The following PSD2 variants were observed in gnomAD, a reference collection of about 807,000 sequenced individuals.
PSD2 encodes the protein pleckstrin and Sec7 domain containing 2.
Under a neutral mutation model 69.8 loss-of-function variants are expected in PSD2, and 38 were observed. That is an observed-to-expected ratio of 0.54 (90% CI 0.42 to 0.71). The LOEUF (loss-of-function observed/expected upper bound fraction) is 0.71. Ranked by LOEUF, PSD2 falls within the 30% of genes least tolerant of loss-of-function variation. The probability of loss-of-function intolerance (pLI) is 0.00; values close to 1 mark genes in which losing one functional copy is unlikely to be tolerated. For synonymous variants in PSD2, 412 were observed against 423.0 expected (o/e 0.97, Z 0.32); for missense variants, 943 against 1,014.5 (o/e 0.93, Z 0.96).
chr5:139,756,903 A>T, the PSD2 span, among the ~76,000 whole-genome samples: 2 of 152,320 alleles, frequency 1.3e-5, no homozygotes, highest in East Asian at 3.9e-4. Flanking sequence ...ACCCAAAACA[A>T]GCACAACTCA....
the PSD2 span, among the ~76,000 whole-genome samples, chr5:139,749,635 G>C: frequency 2.0e-5 from 3 of 152,166 alleles, no homozygotes; most frequent in African/African-American, 7.2e-5. Context: ...TATCCTTTCT[G>C]CAGTTGTCCC....
intron 2 of PSD2, among the ~76,000 whole-genome samples, chr5:139,810,433 G>A (rs1323681312): frequency 6.6e-6 from 1 of 152,218 alleles, no homozygotes; most frequent in Non-Finnish European, 1.5e-5. Flanking sequence ...AGAAAAGAAA[G>A]CATTTAGAAG....
At chr5:139,830,409 GGT>G (rs1760544625) in intron 7 of PSD2, among the ~76,000 whole-genome samples, 1 of 144,574 alleles carries the variant, frequency 6.9e-6, no homozygotes, top group Non-Finnish European at 1.5e-5. Context: ...GGAGTGTAGT[GGT>G]GTGATCCTGG....
At chr5:139,794,376 G>A (rs1300865653), upstream of PSD2, among the ~76,000 whole-genome samples, 1 of 152,166 alleles carries the variant, frequency 6.6e-6, no homozygotes, top group African/African-American at 2.4e-5. Context: ...GGTTGATGAA[G>A]TCCCAGCTCC....
At chr5:139,794,170 G>C (rs1209079396), upstream of PSD2, among the ~76,000 whole-genome samples, 1 of 152,224 alleles carries the variant, frequency 6.6e-6, no homozygotes, top group Non-Finnish European at 1.5e-5. Context: ...GGGCAGTGAA[G>C]GATGTGGTCT....
At chr5:139,818,851 A>T (rs1243568920) in intron 5 of PSD2, among the ~76,000 whole-genome samples, 1 of 152,196 alleles carries the variant, frequency 6.6e-6, no homozygotes, top group African/African-American at 2.4e-5. Context: ...AATTTATGTT[A>T]TATTTTCCAT....
In PSD2 at chr5:139,814,296, G is replaced by T; in HGVS notation, c.948G>T (p.Arg316=). The change falls in exon 4 of 15, where the codon CGG becomes CGT. Residue 316 remains arginine, a synonymous_variant. Coordinates refer to ENST00000274710, the MANE Select transcript of PSD2 (RefSeq NM_032289.4). This position sits in a 1 kb window ranked among gnomAD's most constrained non-coding sequence, Gnocchi z 4.4. The part of the protein sequence containing the change: ...GCQGVSEAAH[R]LARRLYHLEG... ...AGGGGGTCAGTGAAGCTGCTCATCG[G>T]CTGGCACGCCGTCTCTACCACCTCG... 1 of 1,613,538 alleles carries T rather than the reference G, an allele frequency of 6.2e-7. No individual in the cohort carries two copies. Among genetic ancestry groups the T allele is most frequent in the Non-Finnish European group, 8.5e-7 (1 of 1,179,754 alleles).
chr5:139,788,472 G>C, the PSD2 span, among the ~76,000 whole-genome samples: 21 of 152,362 alleles, frequency 1.4e-4, no homozygotes, highest in Admixed American at 6.5e-5. Flanking sequence ...TCTAGCAGCT[G>C]CGAATTCCTG....
chr5:139,788,085 G>A, the PSD2 span, among the ~76,000 whole-genome samples: 4 of 152,202 alleles, frequency 2.6e-5, no homozygotes, highest in Non-Finnish European at 5.9e-5. Flanking sequence ...GCGCTTCGCG[G>A]AAGACTCCGC....
In PSD2 at chr5:139,813,799, G is replaced by A. The variant is rs766191297; in HGVS notation, c.821+41G>A. On this transcript the variant is annotated intron_variant, in intron 3 of 14. Coordinates refer to ENST00000274710, the MANE Select transcript of PSD2 (RefSeq NM_032289.4). Reference sequence around the variant, plus strand: ...GGCTGGGAGAACCACCGAGCAGATGGGGAAACTGAGACCCAGAGGGGGCAA... The same window carrying A: ...GGCTGGGAGAACCACCGAGCAGATGAGGAAACTGAGACCCAGAGGGGGCAA... The A allele has an allele frequency of 4.6e-6, 7 of 1,526,482 alleles. No individual in the cohort carries two copies. In the Admixed American group the frequency reaches 5.9e-5, roughly 13 times the overall value. The allele number at this position is 1,526,482 out of a possible 1,614,324, so 94.6% of individuals were successfully genotyped here.
the PSD2 span, among the ~76,000 whole-genome samples, chr5:139,778,945 C>CAAAAAAA: frequency 7.0e-5 from 7 of 99,870 alleles, no homozygotes; most frequent in African/African-American, 1.5e-4. Flanking sequence ...AGAAAAAAAA[C>CAAAAAAA]AAAAAAAAAA....
the PSD2 span, among the ~76,000 whole-genome samples, chr5:139,789,988 CG>C: frequency 2.7e-3 from 406 of 151,620 alleles, 1 homozygote; most frequent in African/African-American, 8.2e-3. Context: ...GAGAGCAGCA[CG>C]GGGCCGGGCG....
chr5:139,792,915 TTTC>T (rs1759444771), upstream of PSD2, among the ~76,000 whole-genome samples: 4 of 122,262 alleles, frequency 3.3e-5, no homozygotes, highest in Admixed American at 3.3e-4. Flanking sequence ...TCCTTCTTTC[TTTC>T]TTTTTTCTTT....
rs778176956 is a variant in PSD2 at position 139,813,396 on chromosome 5, C to T, written c.459C>T (p.Thr153=). 4 of 1,612,502 alleles carry T rather than the reference C, an allele frequency of 2.5e-6. No individual in the cohort carries two copies. Among genetic ancestry groups the T allele is most frequent in the Non-Finnish European group, 3.4e-6 (4 of 1,178,724 alleles). The part of the protein sequence containing the change: ...KILESELLRG[T]QYSSLDSLDG... ...TGGAGTCAGAGCTGCTGCGGGGCACCCAGTACAGCAGCCTCGACTCCCTAG... is the reference window on the plus strand; with the variant it reads ...TGGAGTCAGAGCTGCTGCGGGGCACTCAGTACAGCAGCCTCGACTCCCTAG... The change falls in exon 3 of 15, where the codon ACC becomes ACT. Residue 153 remains threonine, a synonymous_variant. Transcript: ENST00000274710.
chr5:139,813,812 C>G, intron 3 of PSD2, 54 bp downstream of exon 3: 1 of 1,467,726 alleles, frequency 6.8e-7, no homozygotes, highest in Non-Finnish European at 9.2e-7. Context: ...AAACTGAGAC[C>G]CAGAGGGGGC....
the PSD2 span, among the ~76,000 whole-genome samples, chr5:139,743,240 G>A: frequency 3.9e-5 from 6 of 152,224 alleles, no homozygotes; most frequent in African/African-American, 1.4e-4. Context: ...AGGCTCACCA[G>A]CACCTTGCTG....
the PSD2 span, among the ~76,000 whole-genome samples, chr5:139,776,292 C>G: frequency 6.6e-6 from 1 of 152,226 alleles, no homozygotes; most frequent in Non-Finnish European, 1.5e-5. Context: ...ACCAGGGTCC[C>G]CCTAAAAAAC....
At chr5:139,764,453 T>C in the PSD2 span, among the ~76,000 whole-genome samples, 1 of 152,246 alleles carries the variant, frequency 6.6e-6, no homozygotes, top group African/African-American at 2.4e-5. Context: ...CATATCCGTG[T>C]CCCGGGGGTC....
chr5:139,808,391 A>G (rs990678614), intron 1 of PSD2, among the ~76,000 whole-genome samples: 1 of 152,184 alleles, frequency 6.6e-6, no homozygotes, highest in African/African-American at 2.4e-5. Flanking sequence ...AACCCATTTG[A>G]AACAGTGGCG....
Sources: allele counts gnomAD v4.1 joint callset (sites outside exome capture counted in the v4.1 genomes callset), GRCh38; gene constraint gnomAD v4.1.1; non-coding constraint Gnocchi (gnomAD v3.1); transcripts MANE v1.5; gene names NCBI Gene and HGNC (gene_info 2026-07-23, HGNC 2026-07-21).